Variants in SLC7A8 observed in about 807,000 individuals in gnomAD.
SLC7A8 encodes solute carrier family 7 member 8.
Under a neutral mutation model 51.2 loss-of-function variants are expected in SLC7A8, and 30 were observed. The ratio of observed to expected loss-of-function variants is 0.59; its 90% confidence interval spans 0.44 to 0.80. The LOEUF (loss-of-function observed/expected upper bound fraction) is 0.80, where lower values mean the gene tolerates loss of function less well. Among genes scored for constraint, SLC7A8 ranks in the 30% least tolerant of loss-of-function variants. The pLI is 0.00. For missense variants in SLC7A8, 612 were observed against 674.4 expected (o/e 0.91, Z 1.03); for synonymous variants, 257 against 275.8 (o/e 0.93, Z 0.67).
At chr14:23,131,586 G>T in intron 7 of SLC7A8, 29 bp from the exon 8 acceptor site, 1 of 1,551,744 alleles carries the variant, frequency 6.4e-7, no homozygotes, top group African/African-American at 1.4e-5. Flanking sequence ...GGTCAGCCTG[G>T]GATAACCCAG....
intron 3 of SLC7A8, chr14:23,147,001 A>G (rs2048800613): frequency 6.6e-6 from 1 of 152,148 alleles, no homozygotes; most frequent in Non-Finnish European, 1.5e-5. Context: ...CGCATTCCTG[A>G]GACACAGTGA....
intron 3 of SLC7A8, among the ~76,000 whole-genome samples, chr14:23,145,513 C>T (rs1463998888): frequency 7.4e-6 from 1 of 134,446 alleles, no homozygotes. Flanking sequence ...GGTGACAGAG[C>T]TAGACCACAT....
In SLC7A8 at chr14:23,130,763, C is replaced by T. The variant is rs576523268; in HGVS notation, c.1113+698G>A. On this transcript the variant is annotated intron_variant, in intron 8 of 10. Coordinates refer to ENST00000316902, the MANE Select transcript of SLC7A8 (RefSeq NM_012244.4). ...CCCAAGAGCTCTGTTATTCTGATTG[C>T]TAACTGCTTCACCAGTGGACCAAAG... Among the ~76,000 whole-genome samples the T allele has an allele frequency of 5.4e-3, 829 of 152,332 alleles. 4 individuals are homozygous for T. The highest frequency in any genetic ancestry group is 0.019 in the African/African-American group (798 of 41,558).
chr14:23,155,626 T>C (rs561472473), intron 3 of SLC7A8, among the ~76,000 whole-genome samples: 48 of 152,218 alleles, frequency 3.2e-4, no homozygotes, highest in South Asian at 1.0e-3. Flanking sequence ...CATGCCACCC[T>C]GGGGAACCCT....
At chr14:23,151,998 T>A (rs906460227) in intron 3 of SLC7A8, among the ~76,000 whole-genome samples, 1 of 151,818 alleles carries the variant, frequency 6.6e-6, no homozygotes, top group Non-Finnish European at 1.5e-5. Context: ...GCCAAGATCG[T>A]GCCACTGCAC....
intron 1 of SLC7A8, among the ~76,000 whole-genome samples, chr14:23,181,519 G>A (rs1377638180): frequency 3.3e-5 from 5 of 152,114 alleles, no homozygotes; most frequent in Non-Finnish European, 5.9e-5. Context: ...TGGGTGTAGA[G>A]GTGAAGAGGA....
chr14:23,128,597 T>C lies in SLC7A8; in HGVS notation c.1264-401A>G, dbSNP rs1282439326. The stretch of plus-strand genomic sequence containing the variant: ...CTAGGGTGGAGGGGAGGTGTGGCAA[T>C]GCACAAGGTGCAGGCAGGAGACGAT... On this transcript the variant is annotated intron_variant, in intron 9 of 10. Coordinates refer to ENST00000316902, the MANE Select transcript of SLC7A8 (RefSeq NM_012244.4). This position sits in a 1 kb window ranked among gnomAD's most constrained non-coding sequence, Gnocchi z 4.3. 6.6e-6 allele frequency among the ~76,000 whole-genome samples: 1 copy of C among 152,186 alleles called. No individual in the cohort carries two copies. Among genetic ancestry groups the C allele is most frequent in the East Asian group, 1.9e-4 (1 of 5,182 alleles).
intron 7 of SLC7A8, 59 bp from the exon 8 acceptor site, chr14:23,131,616 C>T (rs1389924497): frequency 2.2e-6 from 3 of 1,363,758 alleles, no homozygotes; most frequent in African/African-American, 2.9e-5. Flanking sequence ...AGCCCCAGCT[C>T]CTTCATCCTT....
At chr14:23,163,083 G>A (rs544832557) in intron 3 of SLC7A8, among the ~76,000 whole-genome samples, 56 of 152,174 alleles carry the variant, frequency 3.7e-4, no homozygotes, top group African/African-American at 1.2e-3. Flanking sequence ...CCACGCCCTC[G>A]CTCTTCCCCG....
chr14:23,150,569 C>T (rs1173269225), intron 3 of SLC7A8, among the ~76,000 whole-genome samples: 1 of 152,300 alleles, frequency 6.6e-6, no homozygotes, highest in African/African-American at 2.4e-5. Flanking sequence ...CCTCCCTTTT[C>T]TCCATGTAAA....
In SLC7A8 at chr14:23,125,585, C is replaced by A. The variant is rs2048568487; in HGVS notation, c.*1592G>T. 1 of 152,704 alleles carries A rather than the reference C, an allele frequency of 6.5e-6. No individual in the cohort carries two copies. Among genetic ancestry groups the A allele is most frequent in the East Asian group, 1.9e-4 (1 of 5,170 alleles). 9.5% of individuals were successfully genotyped at this position (152,704 alleles called of 1,614,324 possible). ...GGTCCCCTGACCCTCCAGGGGCCAA[C>A]CCCAGCCTGCCGGGCATCTACTCTG... is the stretch of plus-strand genomic sequence containing the variant. On this transcript the variant is annotated 3_prime_UTR_variant, in exon 11 of 11. Coordinates refer to ENST00000316902, the MANE Select transcript of SLC7A8 (RefSeq NM_012244.4).
intron 3 of SLC7A8, among the ~76,000 whole-genome samples, chr14:23,162,076 G>A (rs964057350): frequency 2.7e-5 from 4 of 150,330 alleles, no homozygotes; most frequent in Non-Finnish European, 5.9e-5. Context: ...GCCTATAGAA[G>A]TGGATTAAAA....
intron 2 of SLC7A8, among the ~76,000 whole-genome samples, chr14:23,166,115 A>G (rs984234698): frequency 2.0e-5 from 3 of 152,036 alleles, no homozygotes; most frequent in African/African-American, 7.3e-5. Context: ...TAGAGGTCAA[A>G]ACTACAAACC....
At chr14:23,180,301 A>T (rs959221412) in intron 1 of SLC7A8, among the ~76,000 whole-genome samples, 5 of 152,072 alleles carry the variant, frequency 3.3e-5, no homozygotes, top group African/African-American at 1.2e-4. Flanking sequence ...CTATTTTTGC[A>T]TTTGGTCTTG....
intron 7 of SLC7A8, among the ~76,000 whole-genome samples, chr14:23,137,614 G>A (rs937613167): frequency 6.6e-6 from 1 of 152,218 alleles, no homozygotes; most frequent in Non-Finnish European, 1.5e-5. Flanking sequence ...GCCACTGACT[G>A]GGGGCGGCGT....
At chr14:23,155,998 CTTTTCTTT>C (rs1310163955) in intron 3 of SLC7A8, among the ~76,000 whole-genome samples, 57 of 148,280 alleles carry the variant, frequency 3.8e-4, no homozygotes, top group African/African-American at 1.5e-3. Flanking sequence ...TTTTTCTTTT[CTTTTCTTT>C]TTTTTTTTTG....
At position 23,166,387 on chromosome 14, in the gene SLC7A8, TTGGGGA is replaced by T; in HGVS notation, c.299_304del (p.Ile100_Pro101del). 6.2e-7 allele frequency: 1 copy of T among 1,614,092 alleles called. No individual in the cohort carries two copies. The highest frequency in any genetic ancestry group is 8.5e-7 in the Non-Finnish European group (1 of 1,180,022). On this transcript the variant is annotated inframe_deletion, in exon 2 of 11. Transcript: ENST00000316902. Reference sequence around the variant, plus strand: ...GACATAGGAGTAGTCACCTCCAGATTTGGGGATGGTGACCCCGAGTTCAGCATAGCA... The same window carrying T: ...GACATAGGAGTAGTCACCTCCAGATTTGGTGACCCCGAGTTCAGCATAGCA...
At chr14:23,177,403 A>G (rs776350656) in intron 1 of SLC7A8, among the ~76,000 whole-genome samples, 1 of 152,174 alleles carries the variant, frequency 6.6e-6, no homozygotes, top group Non-Finnish European at 1.5e-5. Flanking sequence ...CCTTGCTTCT[A>G]TTTCCTGTAT....
At chr14:23,181,022 G>A (rs1007947540) in intron 1 of SLC7A8, among the ~76,000 whole-genome samples, 7 of 150,482 alleles carry the variant, frequency 4.7e-5, no homozygotes, top group Non-Finnish European at 1.0e-4. Flanking sequence ...GCGAGACTCC[G>A]TCTGAACAAA....
Sources: gnomAD v4.1 joint callset for allele counts (sites outside exome capture counted in the v4.1 genomes callset) on GRCh38, gnomAD v4.1.1 for gene constraint, Gnocchi (gnomAD v3.1) non-coding constraint, MANE v1.5 for transcripts, NCBI Gene and HGNC (gene_info 2026-07-23, HGNC 2026-07-21) for gene names.